Variants in CHD5 observed in about 807,000 individuals in gnomAD.
CHD5 encodes ATP-dependent chromatin remodeler CHD5.
In CHD5, 69 loss-of-function variants were observed where a neutral mutation model predicts 230.3. The observed-to-expected ratio is 0.30, with a 90% CI of 0.25 to 0.37. The LOEUF is 0.37. Ranked by LOEUF, CHD5 falls within the 10% of genes least tolerant of loss-of-function variation. The pLI, the probability that CHD5 is intolerant of heterozygous loss-of-function variation, is 1.00. For synonymous variants in CHD5, 1,064 were observed against 1,065.9 expected, an observed-to-expected ratio of 1.00 and a Z score of 0.03; for missense variants, 1,827 against 2,622.8, an observed-to-expected ratio of 0.70 and a Z score of 6.63.
Position 6,154,921 on chromosome 1 carries a change from G to C in CHD5, c.507-23C>G. On this transcript the variant is annotated intron_variant, in intron 4 of 41. Coordinates refer to ENST00000262450, the MANE Select transcript of CHD5 (RefSeq NM_015557.3). The surrounding 1 kb of genome is among the most constrained non-coding windows in gnomAD (Gnocchi z 7.0). ...GGCCTGTAGGGGGAGAGGCAGGAGG[G>C]TGAGGGCAAGGCCAGGTGAGATGAG... 3 of 1,605,662 alleles carry C rather than the reference G, an allele frequency of 1.9e-6. No homozygotes were observed. The highest frequency in any genetic ancestry group is 2.6e-6 in the Non-Finnish European group (3 of 1,174,636).
At chr1:6,115,215 A>T (rs922261484) in intron 33 of CHD5, among the ~76,000 whole-genome samples, 2 of 151,626 alleles carry the variant, frequency 1.3e-5, no homozygotes, top group Non-Finnish European at 2.9e-5. Context: ...AGTCCCAGCT[A>T]CTTGGGAGGC....
At chr1:6,109,629 G>A (rs1236736193) in intron 38 of CHD5, among the ~76,000 whole-genome samples, 166 bp downstream of exon 38, 1 of 152,148 alleles carries the variant, frequency 6.6e-6, no homozygotes, top group Non-Finnish European at 1.5e-5. Context: ...GGAGATAAGG[G>A]GTCTGATGAC....
chr1:6,166,097 C>A (rs573728806), intron 2 of CHD5, among the ~76,000 whole-genome samples: 104 of 151,960 alleles, frequency 6.8e-4, no homozygotes, highest in African/African-American at 2.5e-3. Context: ...CACATCCATC[C>A]CGGACACTGT....
intron 2 of CHD5, among the ~76,000 whole-genome samples, chr1:6,163,690 CA>C (rs1487918559): frequency 6.6e-6 from 1 of 152,154 alleles, no homozygotes; most frequent in Non-Finnish European, 1.5e-5. Context: ...TTCAGTATCT[CA>C]AAACATACTG....
At chr1:6,110,297 G>C in intron 37 of CHD5, 97 bp downstream of exon 37, 3 of 1,400,542 alleles carry the variant, frequency 2.1e-6, no homozygotes, top group Non-Finnish European at 3.0e-6. Flanking sequence ...GGTACACGGG[G>C]AGGGGTTGCT....
Position 6,151,028 on chromosome 1 carries a change from A to G in CHD5, c.994+4T>C. ...CCAAGAACTCTCTGGAAGGGGAGTC[A>G]TACTCCTCTTCTTCTTGCGCCTCCT... On this transcript the variant is annotated splice_donor_region_variant and intron_variant, in intron 7 of 41. Coordinates refer to ENST00000262450, the MANE Select transcript of CHD5 (RefSeq NM_015557.3). 6.4e-7 allele frequency: 1 copy of G among 1,554,668 alleles called. No homozygotes were observed. Among genetic ancestry groups the G allele is most frequent in the Non-Finnish European group, 8.7e-7 (1 of 1,143,520 alleles).
chr1:6,158,057 G>A (rs1667107139), intron 3 of CHD5, among the ~76,000 whole-genome samples: 1 of 152,112 alleles, frequency 6.6e-6, no homozygotes, highest in South Asian at 2.1e-4. Flanking sequence ...AGCCCAAACC[G>A]AGCCTTGGTG....
At position 6,124,118 on chromosome 1, in the gene CHD5, G is replaced by A. The variant is rs1310541269; in HGVS notation, c.4540-11C>T. The A allele has an allele frequency of 1.2e-6, 2 of 1,610,956 alleles. No individual in the cohort carries two copies. Reference sequence around the variant, plus strand: ...CTCAAACTCCTGAACCTGGGGTGGTGGGAGGGAAGGTGGAAGGGAAAGAGG... The same window carrying A: ...CTCAAACTCCTGAACCTGGGGTGGTAGGAGGGAAGGTGGAAGGGAAAGAGG... On this transcript the variant is annotated splice_polypyrimidine_tract_variant and intron_variant, in intron 30 of 41. Coordinates refer to ENST00000262450, the MANE Select transcript of CHD5 (RefSeq NM_015557.3).
chr1:6,118,142 A>C (rs1180597891), intron 33 of CHD5, among the ~76,000 whole-genome samples: 1 of 152,138 alleles, frequency 6.6e-6, no homozygotes, highest in East Asian at 1.9e-4. Context: ...TTGGGAGGTC[A>C]AGGTGGGAGG....
rs1045976669 is a variant in CHD5, at chr1:6,105,986, G to A, written c.*46+248C>T. On this transcript the variant is annotated intron_variant, in intron 41 of 41. Transcript: ENST00000262450. This position sits in a 1 kb window ranked among gnomAD's most constrained non-coding sequence, Gnocchi z 4.8. ...ACACAGGAGCTCACCCAAGTCCACCGACCCCTTCATGTCCTGCCACCCCAG... is the reference window on the plus strand; with the variant it reads ...ACACAGGAGCTCACCCAAGTCCACCAACCCCTTCATGTCCTGCCACCCCAG... Among the ~76,000 whole-genome samples, 11 of 152,146 alleles carry A rather than the reference G, an allele frequency of 7.2e-5. No homozygotes were observed. The highest frequency in any genetic ancestry group is 2.4e-4 in the African/African-American group (10 of 41,432).
In CHD5 at chr1:6,146,334, A is replaced by G. The variant is rs1186764292; in HGVS notation, c.1680T>C (p.Asp560=). 7 of 1,614,142 alleles carry G rather than the reference A, an allele frequency of 4.3e-6. No homozygotes were observed. Among genetic ancestry groups the G allele is most frequent in the Non-Finnish European group, 5.9e-6 (7 of 1,180,014 alleles). Residue 560 remains aspartate, a synonymous_variant, in exon 11 of 42, where the codon GAT becomes GAC. Transcript: ENST00000262450. The surrounding 1 kb of genome is among the most constrained non-coding windows in gnomAD (Gnocchi z 5.1). ...EPPPFDYGSG[D]EDGKSEKRKN... The stretch of plus-strand genomic sequence containing the variant: ...TCCTCTTCTCGCTCTTGCCGTCTTC[A>G]TCCCCAGAGCCGTAGTCAAAGGGGG...
chr1:6,169,016 CAAAAA>C (rs796551533), intron 1 of CHD5, among the ~76,000 whole-genome samples: 1 of 98,852 alleles, frequency 1.0e-5, no homozygotes, highest in Non-Finnish European at 2.4e-5. Flanking sequence ...GAGACTCCAT[CAAAAA>C]AAAAAAAAAA....
Position 6,154,722 on chromosome 1 carries a change from A to G in CHD5, c.683T>C (p.Val228Ala). The part of the protein sequence containing the change: ...ETVTISPPLA[V>A]SPPQVPQPVP... ...AGGCTGGGGCACCTGCGGGGGGCTGACGGCTAGCGGAGGGGAGATGGTGAC... is the reference window on the plus strand; with the variant it reads ...AGGCTGGGGCACCTGCGGGGGGCTGGCGGCTAGCGGAGGGGAGATGGTGAC... Residue 228 changes from valine (V) to alanine (A), a missense_variant, in exon 5 of 42, where the codon GTC (valine) becomes GCC (alanine). Around this residue, in one of 14 missense-constraint regions of CHD5, gnomAD observed 657 missense variants for 816.4 expected, o/e 0.80. Transcript: ENST00000262450. The surrounding 1 kb of genome is among the most constrained non-coding windows in gnomAD (Gnocchi z 7.0). 1 of 1,607,606 alleles carries G rather than the reference A, an allele frequency of 6.2e-7. No individual in the cohort carries two copies. The highest frequency in any genetic ancestry group is 2.2e-5 in the East Asian group (1 of 44,756).
Position 6,146,164 on chromosome 1 carries a change from G to A in CHD5, c.1802+48C>T, listed in dbSNP as rs369222097. 1.2e-5 allele frequency: 19 copies of A among 1,586,050 alleles called. No individual in the cohort carries two copies. The highest frequency in any genetic ancestry group is 5.0e-5 in the Admixed American group (3 of 59,626). ...CATTTTACAGGGCAAAGAAGCTGAC[G>A]TGGCCCGGCCCCAGCGATGGGCAGG... On this transcript the variant is annotated intron_variant, in intron 11 of 41. Transcript: ENST00000262450. This position sits in a 1 kb window ranked among gnomAD's most constrained non-coding sequence, Gnocchi z 5.1.
Position 6,121,090 on chromosome 1 carries a change from G to T in CHD5, c.4912+15C>A, listed in dbSNP as rs374433299. 6.4e-7 allele frequency: 1 copy of T among 1,574,598 alleles called. No individual in the cohort carries two copies. The highest frequency in any genetic ancestry group is 8.6e-7 in the Non-Finnish European group (1 of 1,162,276). On this transcript the variant is annotated intron_variant, in intron 33 of 41. Coordinates refer to ENST00000262450, the MANE Select transcript of CHD5 (RefSeq NM_015557.3). The surrounding 1 kb of genome is among the most constrained non-coding windows in gnomAD (Gnocchi z 4.5). ...GACATGGCACTGGGGTGGGTGGCCTGCAAGAAGCCCCAACCTCTCGGCAGC... is the reference window on the plus strand; with the variant it reads ...GACATGGCACTGGGGTGGGTGGCCTTCAAGAAGCCCCAACCTCTCGGCAGC...
Position 6,167,554 on chromosome 1 carries a change from A to T in CHD5, c.207+596T>A, listed in dbSNP as rs547768634. ...CCAATTTCCAGGGCTGATCATGAGG[A>T]TCAAGTGAGCCCGCGTGAAGCACAG... On this transcript the variant is annotated intron_variant, in intron 2 of 41. Transcript: ENST00000262450. The surrounding 1 kb of genome is among the most constrained non-coding windows in gnomAD (Gnocchi z 4.5). 6.6e-6 allele frequency among the ~76,000 whole-genome samples: 1 copy of T among 152,300 alleles called. No individual in the cohort carries two copies. Among genetic ancestry groups the T allele is most frequent in the South Asian group, 2.1e-4 (1 of 4,822 alleles).
At position 6,176,785 on chromosome 1, in the gene CHD5, G is replaced by C. The variant is rs1378312799; in HGVS notation, c.79+3160C>G. On this transcript the variant is annotated intron_variant, in intron 1 of 41. Transcript: ENST00000262450. ...CCCATACTACAAGTGGGCACACCGA[G>C]GAGAGGGCTGCCTGGCTTGTCCAAG... Among the ~76,000 whole-genome samples the C allele has an allele frequency of 3.3e-5, 5 of 152,320 alleles. No homozygotes were observed. The South Asian group carries it at 6.2e-4, about 19-fold the overall frequency.
Position 6,125,950 on chromosome 1 carries a change from T to TTTC in CHD5, c.4079-93_4079-92insGAA. 1 of 880,394 alleles carries TTTC rather than the reference T, an allele frequency of 1.1e-6. No individual in the cohort carries two copies. Among genetic ancestry groups the TTTC allele is most frequent in the Non-Finnish European group, 1.9e-6 (1 of 537,152 alleles). The allele number at this position is 880,394 out of a possible 1,614,324, so 54.5% of individuals were successfully genotyped here. On this transcript the variant is annotated intron_variant, in intron 26 of 41. Transcript: ENST00000262450. The surrounding 1 kb of genome is among the most constrained non-coding windows in gnomAD (Gnocchi z 6.7). Reference sequence around the variant, plus strand: ...CATGCCCAGGGCCACGCCGAGCCCCTGCACCCCAGCTCCATAAAAAAGCAG... The same window carrying TTTC: ...CATGCCCAGGGCCACGCCGAGCCCCTTTCGCACCCCAGCTCCATAAAAAAGCAG...
rs1667047653 is a variant in CHD5 at position 6,154,287 on chromosome 1, C to G, written c.745+373G>C. On this transcript the variant is annotated intron_variant, in intron 5 of 41. Coordinates refer to ENST00000262450, the MANE Select transcript of CHD5 (RefSeq NM_015557.3). This position sits in a 1 kb window ranked among gnomAD's most constrained non-coding sequence, Gnocchi z 7.0. ...CCCAGAAACGGCACAGGCTCAAACC[C>G]AAGAGCCTGCCAACTCCCAGAAACC... Among the ~76,000 whole-genome samples the G allele has an allele frequency of 6.6e-6, 1 of 152,144 alleles. No individual in the cohort carries two copies. The highest frequency in any genetic ancestry group is 1.5e-5 in the Non-Finnish European group (1 of 68,022).
Sources: gnomAD v4.1 joint callset for allele counts (sites outside exome capture counted in the v4.1 genomes callset) on GRCh38, gnomAD v4.1.1 for gene constraint, gnomAD v4.1.1 regional missense constraint, Gnocchi (gnomAD v3.1) non-coding constraint, MANE v1.5 for transcripts, NCBI Gene and HGNC (gene_info 2026-07-23, HGNC 2026-07-21) for gene names.